Variants in CTNNA3 observed in about 807,000 individuals in gnomAD.
CTNNA3 encodes catenin alpha-3.
A neutral mutation model predicts 95.7 loss-of-function variants in CTNNA3; 76 were observed. The observed-to-expected ratio is 0.79, with a 90% CI of 0.66 to 0.96. The LOEUF (loss-of-function observed/expected upper bound fraction) is 0.96. Among genes scored for constraint, CTNNA3 ranks in the 40% least tolerant of loss-of-function variants. The probability of loss-of-function intolerance (pLI) is 0.00; values close to 1 mark genes in which losing one functional copy is unlikely to be tolerated. For missense variants in CTNNA3, 1,191 were observed against 1,089.8 expected (o/e 1.09, Z -1.31); for synonymous variants, 431 against 374.4 (o/e 1.15, Z -1.74).
chr10:66,727,817 G>T (rs1388814288), intron 9 of CTNNA3, among the ~76,000 whole-genome samples: 1 of 152,044 alleles, frequency 6.6e-6, no homozygotes, highest in Non-Finnish European at 1.5e-5. Context: ...TGCACATCAA[G>T]TAATAGGGAA....
At chr10:66,185,217 TAGAG>T (rs2086266917) in intron 13 of CTNNA3, among the ~76,000 whole-genome samples, 1 of 152,218 alleles carries the variant, frequency 6.6e-6, no homozygotes, top group Admixed American at 6.5e-5. Flanking sequence ...GGTAAATAAA[TAGAG>T]AAAAACATCA....
intron 15 of CTNNA3, among the ~76,000 whole-genome samples, chr10:66,049,047 A>G (rs2079894199): frequency 6.6e-6 from 1 of 152,216 alleles, no homozygotes; most frequent in African/African-American, 2.4e-5. Context: ...TACATCTGAC[A>G]AAGGTCCAAT....
intron 9 of CTNNA3, among the ~76,000 whole-genome samples, chr10:66,717,048 A>C (rs1386092131): frequency 4.0e-5 from 6 of 151,886 alleles, no homozygotes; most frequent in African/African-American, 7.3e-5. Flanking sequence ...AAAAAAAAAA[A>C]AACAGAAAAC....
intron 10 of CTNNA3, among the ~76,000 whole-genome samples, chr10:66,592,813 G>A (rs1843596534): frequency 6.6e-6 from 1 of 152,154 alleles, no homozygotes; most frequent in Non-Finnish European, 1.5e-5. Flanking sequence ...AGACACCAAA[G>A]TGTCTGCACA....
intron 11 of CTNNA3, among the ~76,000 whole-genome samples, chr10:66,453,928 C>CA (rs2093479912): frequency 6.6e-6 from 1 of 152,086 alleles, no homozygotes. Flanking sequence ...CCTTACATGG[C>CA]AAAAATGGAT....
intron 10 of CTNNA3, among the ~76,000 whole-genome samples, chr10:66,597,552 A>ATATATATT (rs1246174021): frequency 3.9e-4 from 51 of 130,484 alleles, no homozygotes; most frequent in South Asian, 1.2e-3. Context: ...ATATATATAT[A>ATATATATT]TATTTATTAA....
At chr10:67,260,605 A>C (rs2132388441) in intron 5 of CTNNA3, among the ~76,000 whole-genome samples, 1 of 152,334 alleles carries the variant, frequency 6.6e-6, no homozygotes, top group Non-Finnish European at 1.5e-5. Context: ...GCCGTCCTTG[A>C]AATGCAAGCA....
chr10:67,571,603 G>A (rs1841979308), intron 3 of CTNNA3, among the ~76,000 whole-genome samples: 1 of 152,112 alleles, frequency 6.6e-6, no homozygotes, highest in African/African-American at 2.4e-5. Flanking sequence ...GATTATAATA[G>A]ACTATAGTTT....
At chr10:66,766,223 T>C (rs1839845110) in intron 9 of CTNNA3, 41 bp downstream of exon 9, 1 of 1,593,182 alleles carries the variant, frequency 6.3e-7, no homozygotes, top group Non-Finnish European at 8.6e-7. Flanking sequence ...GGGAGCCTCA[T>C]TCTCCTGGAC....
chr10:66,327,648 C>T (rs10822810), intron 12 of CTNNA3, among the ~76,000 whole-genome samples: 45,453 of 151,686 alleles, frequency 0.3, 7,909 homozygotes, highest in Non-Finnish European at 0.39. Flanking sequence ...TATTCTCTCC[C>T]TTTAAAAATC....
At chr10:66,222,734 GA>G (rs960908087) in intron 13 of CTNNA3, among the ~76,000 whole-genome samples, 18 of 147,924 alleles carry the variant, frequency 1.2e-4, no homozygotes, top group South Asian at 2.1e-4. Flanking sequence ...GGGGGAGAGA[GA>G]AAAAAATGAA....
At chr10:67,577,552 T>A (rs1367046461) in intron 3 of CTNNA3, among the ~76,000 whole-genome samples, 3 of 152,140 alleles carry the variant, frequency 2.0e-5, no homozygotes, top group Non-Finnish European at 1.5e-5. Flanking sequence ...TTGTCAATTT[T>A]GGCTTTTGTT....
intron 11 of CTNNA3, among the ~76,000 whole-genome samples, chr10:66,430,282 T>A (rs940739141): frequency 6.6e-6 from 1 of 152,122 alleles, no homozygotes; most frequent in Non-Finnish European, 1.5e-5. Context: ...GAACATTCCA[T>A]GCTCATGGAC....
chr10:66,215,238 A>T (rs2088449247), intron 13 of CTNNA3, among the ~76,000 whole-genome samples: 1 of 152,204 alleles, frequency 6.6e-6, no homozygotes, highest in South Asian at 2.1e-4. Flanking sequence ...TGCATGATCC[A>T]ATCTGAAGGG....
rs2088715 is a variant in CTNNA3 at position 67,598,442 on chromosome 10, C to A, written c.292+8415G>T. 5.1e-3 allele frequency among the ~76,000 whole-genome samples: 771 copies of A among 152,172 alleles called. 7 individuals are homozygous for A. The highest frequency in any genetic ancestry group is 0.024 in the Middle Eastern group (7 of 294). On this transcript the variant is annotated intron_variant, in intron 3 of 17. Transcript: ENST00000433211. ...ATGCAGGGTTCCCAACTTCCTCCCC[C>A]CTTCAGCCCAGGATCTGCATTCTCC...
chr10:66,320,156 T>G (rs552244795), intron 12 of CTNNA3, among the ~76,000 whole-genome samples: 1 of 152,190 alleles, frequency 6.6e-6, no homozygotes, highest in East Asian at 1.9e-4. Context: ...CTATGACCAT[T>G]CTTATCACTA....
intron 13 of CTNNA3, among the ~76,000 whole-genome samples, chr10:66,165,050 T>C (rs952393319): frequency 6.6e-6 from 1 of 152,170 alleles, no homozygotes; most frequent in African/African-American, 2.4e-5. Context: ...ATGAAAATAA[T>C]ATGTGCTATA....
intron 7 of CTNNA3, among the ~76,000 whole-genome samples, chr10:67,173,213 G>A (rs1011630756): frequency 2.0e-5 from 3 of 152,118 alleles, no homozygotes; most frequent in Admixed American, 6.6e-5. Context: ...CTTTATAAGG[G>A]ATTCCCTTTT....
At chr10:66,807,850 G>A (rs1195686102) in intron 7 of CTNNA3, among the ~76,000 whole-genome samples, 1 of 151,964 alleles carries the variant, frequency 6.6e-6, no homozygotes, top group Non-Finnish European at 1.5e-5. Context: ...TTTTTAATAA[G>A]AGCTATATAA....
Sources: gnomAD v4.1 joint callset for allele counts (sites outside exome capture counted in the v4.1 genomes callset) on GRCh38, gnomAD v4.1.1 for gene constraint, MANE v1.5 for transcripts, NCBI Gene and HGNC (gene_info 2026-07-23, HGNC 2026-07-21) for gene names.